The following CSMD1 variants were observed in gnomAD, a reference collection of about 807,000 sequenced individuals.
CSMD1 encodes the protein CUB and Sushi multiple domains 1.
A neutral mutation model predicts 417.5 loss-of-function variants in CSMD1; 213 were observed. The observed-to-expected ratio is 0.51, with a 90% CI of 0.46 to 0.57. The LOEUF (loss-of-function observed/expected upper bound fraction) is 0.57, where lower values mean the gene tolerates loss of function less well. Ranked by LOEUF, CSMD1 falls within the 20% of genes least tolerant of loss-of-function variation. The pLI, the probability that CSMD1 is intolerant of heterozygous loss-of-function variation, is 0.00. For missense variants in CSMD1, 6,923 were observed against 4,529.7 expected, an observed-to-expected ratio of 1.53 and a Z score of -15.17; for synonymous variants, 2,862 against 1,736.8, an observed-to-expected ratio of 1.65 and a Z score of -16.11.
chr8:3,798,661 A>G (rs183473149), intron 5 of CSMD1, among the ~76,000 whole-genome samples: 106 of 152,268 alleles, frequency 7.0e-4, no homozygotes, highest in Non-Finnish European at 1.6e-4. Context: ...CATTTATTCA[A>G]GAAGATGCAT....
intron 41 of CSMD1, among the ~76,000 whole-genome samples, chr8:3,131,131 C>G (rs189604372): frequency 6.6e-6 from 1 of 152,004 alleles, no homozygotes; most frequent in Non-Finnish European, 1.5e-5. Context: ...CAAAGGAAAC[C>G]AGCCATTTTA....
chr8:3,525,253 G>T lies in CSMD1; in HGVS notation c.1345-31527C>A, dbSNP rs553907609. Among the ~76,000 whole-genome samples the T allele has an allele frequency of 8.5e-5, 13 of 152,164 alleles. No homozygotes were observed. In the East Asian group the frequency reaches 2.1e-3, roughly 25 times the overall value. On this transcript the variant is annotated intron_variant, in intron 10 of 69. Coordinates refer to ENST00000635120, the MANE Select transcript of CSMD1 (RefSeq NM_033225.6). The stretch of plus-strand genomic sequence containing the variant: ...GGGAGATAGCATCCCTGGAACTGAG[G>T]GTCCTTAAAAGCACTCAGGAACTTT...
At chr8:3,668,614 T>G (rs767349801) in intron 7 of CSMD1, among the ~76,000 whole-genome samples, 1 of 151,958 alleles carries the variant, frequency 6.6e-6, no homozygotes, top group Non-Finnish European at 1.5e-5. Context: ...GACGAAGCCC[T>G]GGGGAGAAGA....
intron 2 of CSMD1, among the ~76,000 whole-genome samples, chr8:4,469,018 T>A (rs1800360105): frequency 6.6e-6 from 1 of 152,176 alleles, no homozygotes; most frequent in Non-Finnish European, 1.5e-5. Context: ...GAAAAAAAGT[T>A]CAAAAGACAA....
intron 52 of CSMD1, among the ~76,000 whole-genome samples, chr8:3,017,805 TTA>T (rs1491457220): frequency 3.3e-5 from 4 of 121,688 alleles, no homozygotes; most frequent in Admixed American, 8.6e-5. Flanking sequence ...TTTGAGTGAT[TTA>T]AAAAAAAAAA....
chr8:3,612,593 T>C lies in CSMD1; in HGVS notation c.1097+4117A>G, dbSNP rs183267592. Among the ~76,000 whole-genome samples the C allele has an allele frequency of 3.3e-5, 5 of 152,236 alleles. 1 individual carries two copies. The South Asian group carries it at 8.3e-4, about 25-fold the overall frequency. Reference sequence around the variant, plus strand: ...ATCAAAACATTTTTTAAAGTTCAGATCCTTTAAAGCATAATCTCTAACCAT... The same window carrying C: ...ATCAAAACATTTTTTAAAGTTCAGACCCTTTAAAGCATAATCTCTAACCAT... On this transcript the variant is annotated intron_variant, in intron 8 of 69. Coordinates refer to ENST00000635120, the MANE Select transcript of CSMD1 (RefSeq NM_033225.6).
At chr8:4,686,077 G>A (rs1806362339) in intron 1 of CSMD1, among the ~76,000 whole-genome samples, 2 of 152,186 alleles carry the variant, frequency 1.3e-5, no homozygotes, top group South Asian at 4.1e-4. Flanking sequence ...GATGACTCTG[G>A]TTGTGTCATT....
chr8:4,701,782 G>C (rs945286344), intron 1 of CSMD1, among the ~76,000 whole-genome samples: 2 of 79,848 alleles, frequency 2.5e-5, no homozygotes, highest in African/African-American at 9.4e-5. Context: ...GAAAACCTTG[G>C]GTGGAAGATT....
intron 5 of CSMD1, among the ~76,000 whole-genome samples, chr8:3,759,440 G>A (rs530126290): frequency 4.6e-5 from 7 of 152,210 alleles, no homozygotes; most frequent in African/African-American, 1.7e-4. Flanking sequence ...GTTGGAGTGA[G>A]GTTTCCTGGA....
chr8:4,343,491 G>A (rs1035567689), intron 3 of CSMD1, among the ~76,000 whole-genome samples: 8 of 152,148 alleles, frequency 5.3e-5, no homozygotes, highest in East Asian at 1.9e-4. Flanking sequence ...ATGTACATGC[G>A]TACATGATTC....
intron 2 of CSMD1, among the ~76,000 whole-genome samples, chr8:4,523,335 C>A (rs1258174826): frequency 6.6e-6 from 1 of 152,132 alleles, no homozygotes; most frequent in Non-Finnish European, 1.5e-5. Context: ...ATAGACTCAG[C>A]CTGGGCTGCT....
intron 1 of CSMD1, among the ~76,000 whole-genome samples, chr8:4,987,835 T>A (rs1811261281): frequency 6.6e-6 from 1 of 152,196 alleles, no homozygotes; most frequent in South Asian, 2.1e-4. Flanking sequence ...TCTCCTGTGC[T>A]GGATGCTTCT....
intron 34 of CSMD1, 47 bp from the exon 35 acceptor site, chr8:3,189,058 T>C: frequency 1.3e-6 from 2 of 1,566,806 alleles, no homozygotes; most frequent in South Asian, 1.2e-5. Flanking sequence ...TGTGGGACAG[T>C]GTTGATTTGG....
At chr8:4,891,832 T>C (rs753624174) in intron 1 of CSMD1, among the ~76,000 whole-genome samples, 1 of 152,170 alleles carries the variant, frequency 6.6e-6, no homozygotes, top group Non-Finnish European at 1.5e-5. Context: ...ACATTATTTG[T>C]GTAGACTATA....
intron 9 of CSMD1, among the ~76,000 whole-genome samples, chr8:3,577,477 A>G (rs1585398056): frequency 6.6e-6 from 1 of 151,956 alleles, no homozygotes; most frequent in African/African-American, 2.4e-5. Context: ...TTTTTTGTCC[A>G]TTTTTTTATT....
rs953584764 is a variant in CSMD1 at position 3,681,871 on chromosome 8, C to T, written c.1009+26543G>A. 1.2e-4 allele frequency among the ~76,000 whole-genome samples: 18 copies of T among 152,112 alleles called. 1 individual carries two copies. The highest frequency in any genetic ancestry group is 1.1e-3 in the Admixed American group (17 of 15,278). On this transcript the variant is annotated intron_variant, in intron 7 of 69. Transcript: ENST00000635120. ...TAGACCAATGGAACAGAACAGAGCC[C>T]TCAGAAATAATACCACACATCTACG...
At chr8:4,418,589 C>A (rs992810776) in intron 3 of CSMD1, among the ~76,000 whole-genome samples, 14 of 152,108 alleles carry the variant, frequency 9.2e-5, no homozygotes, top group Non-Finnish European at 1.5e-4. Flanking sequence ...TGTATGTTAA[C>A]AGGACAAAAT....
chr8:3,806,689 A>C (rs1042431869), intron 5 of CSMD1, among the ~76,000 whole-genome samples: 2 of 152,238 alleles, frequency 1.3e-5, no homozygotes, highest in Admixed American at 6.5e-5. Context: ...TCAAATCTTC[A>C]AAACAATCTA....
intron 5 of CSMD1, among the ~76,000 whole-genome samples, chr8:3,985,463 A>G (rs1814250189): frequency 6.6e-6 from 1 of 152,164 alleles, no homozygotes; most frequent in African/African-American, 2.4e-5. Context: ...ACACTCACAC[A>G]TTTTAGAACA....
Sources: allele counts gnomAD v4.1 joint callset (sites outside exome capture counted in the v4.1 genomes callset), GRCh38; gene constraint gnomAD v4.1.1; transcripts MANE v1.5; gene names NCBI Gene and HGNC (gene_info 2026-07-23, HGNC 2026-07-21).